PTPRG: variants seen among roughly 807,000 people sequenced by gnomAD.
PTPRG encodes the protein protein tyrosine phosphatase receptor type G.
A neutral mutation model predicts 165.3 loss-of-function variants in PTPRG; 102 were observed. The observed-to-expected ratio is 0.62, with a 90% confidence interval of 0.53 to 0.73. The LOEUF (loss-of-function observed/expected upper bound fraction) is 0.73. PTPRG is among the 30% of genes least tolerant of loss of function. The pLI, the probability that PTPRG is intolerant of heterozygous loss-of-function variation, is 0.00. For missense variants in PTPRG, 1,866 were observed against 1,861.4 expected, an observed-to-expected ratio of 1.00 and a Z score of -0.05; for synonymous variants, 675 against 669.5, an observed-to-expected ratio of 1.01 and a Z score of -0.13.
chr3:62,149,883 G>A (rs141133518), intron 6 of PTPRG, among the ~76,000 whole-genome samples: 42 of 152,344 alleles, frequency 2.8e-4, no homozygotes, highest in Non-Finnish European at 6.2e-4. Flanking sequence ...ATCCTGGGAA[G>A]TTTTGGACAG....
At chr3:62,266,616 T>C (rs1425160059) in intron 17 of PTPRG, among the ~76,000 whole-genome samples, 1 of 151,860 alleles carries the variant, frequency 6.6e-6, no homozygotes, top group Non-Finnish European at 1.5e-5. Flanking sequence ...AAAAATTGCT[T>C]GGTATATTCT....
In PTPRG at chr3:62,255,190, A is replaced by G. The variant is rs1701510060; in HGVS notation, c.2534A>G (p.Gln845Arg). Residue 845 changes from glutamine to arginine, a missense_variant, in exon 16 of 30, where the codon CAG (glutamine) becomes CGG (arginine). Coordinates refer to ENST00000474889, the MANE Select transcript of PTPRG (RefSeq NM_002841.4). The surrounding 1 kb of genome is among the most constrained non-coding windows in gnomAD (Gnocchi z 4.0). ...KHIGELYSNN[Q>R]HGFSEDFEEV... ...ATCGGTGAGCTCTATTCTAATAACCAGCATGGGTTCTCTGAGGATTTTGAG... is the reference window on the plus strand; with the variant it reads ...ATCGGTGAGCTCTATTCTAATAACCGGCATGGGTTCTCTGAGGATTTTGAG... 15 of 1,612,786 alleles carry G rather than the reference A, an allele frequency of 9.3e-6. No individual in the cohort carries two copies. The highest frequency in any genetic ancestry group is 1.3e-5 in the Non-Finnish European group (15 of 1,179,362).
intron 1 of PTPRG, among the ~76,000 whole-genome samples, chr3:61,657,033 G>C (rs1282990540): frequency 6.6e-6 from 1 of 152,188 alleles, no homozygotes; most frequent in Non-Finnish European, 1.5e-5. Flanking sequence ...CATATTTATT[G>C]AATATCAGTT....
rs1576126850 is a variant in PTPRG, at chr3:62,200,736, T to TGG, written c.1328-769_1328-768insGG. ...TGGTTAATACGAAATCATTAGACCA[T>TGG]TTAAAACAATTGGCAGTAGCTTACA... On this transcript the variant is annotated intron_variant, in intron 10 of 29. Transcript: ENST00000474889. Among the ~76,000 whole-genome samples the TGG allele has an allele frequency of 3.3e-5, 5 of 152,316 alleles. No homozygotes were observed. The East Asian group carries it at 9.6e-4, about 29-fold the overall frequency.
chr3:61,892,578 A>T (rs1057502969), intron 2 of PTPRG, among the ~76,000 whole-genome samples: 24 of 152,036 alleles, frequency 1.6e-4, no homozygotes, highest in Non-Finnish European at 1.9e-4. Flanking sequence ...GCACTTTGGG[A>T]GGGAGAGGCG....
intron 4 of PTPRG, among the ~76,000 whole-genome samples, chr3:62,027,678 C>G (rs1699610893): frequency 6.6e-6 from 1 of 152,200 alleles, no homozygotes; most frequent in South Asian, 2.1e-4. Flanking sequence ...CAGATTTTAA[C>G]CTAGTCAGAA....
intron 1 of PTPRG, among the ~76,000 whole-genome samples, chr3:61,724,232 G>A (rs1405092006): frequency 6.8e-5 from 6 of 88,346 alleles, no homozygotes; most frequent in East Asian, 6.2e-4. Context: ...AAAAAAAAAA[G>A]TAGTTATATA....
intron 1 of PTPRG, among the ~76,000 whole-genome samples, chr3:61,727,502 G>A (rs1188145338): frequency 1.3e-5 from 2 of 152,186 alleles, no homozygotes; most frequent in African/African-American, 4.8e-5. Context: ...ATGAATACAT[G>A]TCAAACGCAA....
At chr3:61,897,587 A>T (rs1388999283) in intron 2 of PTPRG, among the ~76,000 whole-genome samples, 1 of 152,152 alleles carries the variant, frequency 6.6e-6, no homozygotes, top group African/African-American at 2.4e-5. Context: ...TATTCTATAG[A>T]AGTTTTATAG....
At chr3:62,290,417 G>A (rs1342944127) in intron 28 of PTPRG, among the ~76,000 whole-genome samples, 1 of 152,012 alleles carries the variant, frequency 6.6e-6, no homozygotes, top group Non-Finnish European at 1.5e-5. Flanking sequence ...AGAGTTATTT[G>A]GACATCAGTG....
rs1703539166 is a variant in PTPRG at position 62,132,147 on chromosome 3, G to A, written c.616-455G>A. ...AATATGTGCTTTTTCACAGGGGACT[G>A]GGATCCTTACGAAGGAGAATAGGCT... On this transcript the variant is annotated intron_variant, in intron 5 of 29. Transcript: ENST00000474889. Among the ~76,000 whole-genome samples, 3 of 152,280 alleles carry A rather than the reference G, an allele frequency of 2.0e-5. No homozygotes were observed. The South Asian group carries it at 6.2e-4, about 32-fold the overall frequency.
chr3:61,803,430 G>A (rs574369311), intron 2 of PTPRG, among the ~76,000 whole-genome samples: 1 of 145,122 alleles, frequency 6.9e-6, no homozygotes, highest in South Asian at 2.3e-4. Context: ...CATTGCAATT[G>A]CTTAATTGGC....
chr3:61,819,622 G>A (rs1028393127), intron 2 of PTPRG, among the ~76,000 whole-genome samples: 15 of 152,090 alleles, frequency 9.9e-5, no homozygotes, highest in African/African-American at 3.4e-4. Flanking sequence ...ACAAAATAGG[G>A]AACTTTAGTC....
At chr3:61,632,839 A>G (rs1395569462) in intron 1 of PTPRG, among the ~76,000 whole-genome samples, 2 of 151,960 alleles carry the variant, frequency 1.3e-5, no homozygotes, top group Non-Finnish European at 2.9e-5. Flanking sequence ...ATCACATTAC[A>G]TGTAGGATAA....
At chr3:61,721,843 A>G (rs2032059815) in intron 1 of PTPRG, among the ~76,000 whole-genome samples, 1 of 152,156 alleles carries the variant, frequency 6.6e-6, no homozygotes, top group African/African-American at 2.4e-5. Context: ...GAAGTAGTGT[A>G]TTTCCAGACA....
intron 2 of PTPRG, among the ~76,000 whole-genome samples, chr3:61,972,755 T>C (rs917526332): frequency 6.6e-6 from 1 of 151,528 alleles, no homozygotes; most frequent in Non-Finnish European, 1.5e-5. Context: ...CGGGCTCAAG[T>C]GATACTCACA....
chr3:61,770,682 T>A (rs1466731414), intron 2 of PTPRG: 2 of 152,220 alleles, frequency 1.3e-5, no homozygotes, highest in African/African-American at 4.8e-5. Flanking sequence ...AGACTGACTC[T>A]TAAAAATGGA....
chr3:61,885,796 G>T (rs1224932319), intron 2 of PTPRG, among the ~76,000 whole-genome samples: 1 of 143,804 alleles, frequency 7.0e-6, no homozygotes, highest in Admixed American at 7.2e-5. Context: ...TGCAGTTCCC[G>T]CCTCAGCTTG....
Position 61,990,308 on chromosome 3 carries a change from A to T in PTPRG, c.370+504A>T, listed in dbSNP as rs536061382. Among the ~76,000 whole-genome samples, 147 of 152,312 alleles carry T rather than the reference A, an allele frequency of 9.7e-4. 1 individual carries two copies. Among genetic ancestry groups the T allele is most frequent in the African/African-American group, 3.3e-3 (138 of 41,564 alleles). ...ATTGCAGAAAGTTCTATCAGGTAAC[A>T]TTGTGCCAAATATGCAAATGGAAAC... On this transcript the variant is annotated intron_variant, in intron 3 of 29. Coordinates refer to ENST00000474889, the MANE Select transcript of PTPRG (RefSeq NM_002841.4).
Sources: gnomAD v4.1 joint callset for allele counts (sites outside exome capture counted in the v4.1 genomes callset) on GRCh38, gnomAD v4.1.1 for gene constraint, Gnocchi (gnomAD v3.1) non-coding constraint, MANE v1.5 for transcripts, NCBI Gene and HGNC (gene_info 2026-07-23, HGNC 2026-07-21) for gene names.